The following MGST1 variants were observed in gnomAD, a reference collection of about 807,000 sequenced individuals.
The protein encoded by MGST1 is microsomal glutathione S-transferase 1, also known as glutathione S-transferase 12.
In MGST1, 5 loss-of-function variants were observed where a neutral mutation model predicts 8.9. The ratio of observed to expected loss-of-function variants is 0.56; its 90% CI spans 0.29 to 1.19. The LOEUF (loss-of-function observed/expected upper bound fraction) is 1.19, where lower values mean the gene tolerates loss of function less well. MGST1 is among the 50% of genes most tolerant of loss of function. MGST1 has a pLI of 0.08. For missense variants in MGST1, 182 were observed against 187.4 expected, an observed-to-expected ratio of 0.97 and a Z score of 0.17; for synonymous variants, 54 against 67.8, an observed-to-expected ratio of 0.80 and a Z score of 1.00.
intron 4 of MGST1, among the ~76,000 whole-genome samples, chr12:16,574,871 A>T (rs766382010): frequency 6.6e-6 from 1 of 152,176 alleles, no homozygotes; most frequent in African/African-American, 2.4e-5. Flanking sequence ...CTAAGATCTC[A>T]TAGTCATTAA....
At position 16,364,056 on chromosome 12, in the gene MGST1, C is replaced by T; in HGVS notation, c.*15C>T. On this transcript the variant is annotated 3_prime_UTR_variant, in exon 4 of 4. Transcript: ENST00000396210. The surrounding 1 kb of genome is among the most constrained non-coding windows in gnomAD (Gnocchi z 5.7). ...TGTACCTGTAAAGAAAATCATACAA[C>T]TCAGCATCCAGTTGGCTTTTTAAGA... 1 of 1,579,258 alleles carries T rather than the reference C, an allele frequency of 6.3e-7. No individual in the cohort carries two copies. Among genetic ancestry groups the T allele is most frequent in the Admixed American group, 1.8e-5 (1 of 54,964 alleles).
chr12:16,529,940 A>C (rs1336672008), intron 4 of MGST1, among the ~76,000 whole-genome samples: 1 of 152,128 alleles, frequency 6.6e-6, no homozygotes, highest in Non-Finnish European at 1.5e-5. Flanking sequence ...ACCCACACAG[A>C]ATCAAGAAGA....
At chr12:16,541,754 C>A (rs1268362582) in intron 4 of MGST1, among the ~76,000 whole-genome samples, 3 of 151,788 alleles carry the variant, frequency 2.0e-5, no homozygotes, top group Non-Finnish European at 2.9e-5. Context: ...ATACTTCGGG[C>A]TTTTATAATG....
intron 1 of MGST1, among the ~76,000 whole-genome samples, chr12:16,394,876 T>C (rs1193016678): frequency 6.6e-6 from 1 of 152,038 alleles, no homozygotes; most frequent in Non-Finnish European, 1.5e-5. Flanking sequence ...GGATTACAGG[T>C]GTGAACAACT....
intron 4 of MGST1, among the ~76,000 whole-genome samples, chr12:16,588,963 C>T (rs1012177988): frequency 1.3e-5 from 2 of 152,034 alleles, no homozygotes; most frequent in Non-Finnish European, 2.9e-5. Flanking sequence ...CACTGTCACC[C>T]CTAACTATTT....
upstream of MGST1, among the ~76,000 whole-genome samples, chr12:16,382,581 G>A (rs1360500553): frequency 2.6e-5 from 4 of 152,138 alleles, no homozygotes; most frequent in Non-Finnish European, 4.4e-5. Flanking sequence ...GGCTATTCGG[G>A]GATCAGGGAC....
intron 4 of MGST1, among the ~76,000 whole-genome samples, chr12:16,498,578 A>G (rs1217764544): frequency 1.3e-5 from 2 of 152,216 alleles, no homozygotes; most frequent in African/African-American, 4.8e-5. Context: ...AGTTAATGCC[A>G]GTGCACTGTA....
rs200073692 is a variant in MGST1 at position 16,408,030 on chromosome 12, C to CAA, written n.778+24453_778+24454dup. Among the ~76,000 whole-genome samples, 330 of 44,066 alleles carry CAA rather than the reference C, an allele frequency of 7.5e-3. 60 individuals are homozygous for CAA. Among genetic ancestry groups the CAA allele is most frequent in the Middle Eastern group, 0.017 (1 of 58 alleles). The allele number at this position is 44,066 out of a possible 152,430, so 28.9% of individuals were successfully genotyped here. On this transcript the variant is annotated intron_variant and non_coding_transcript_variant, in intron 1 of 1. Coordinates refer to the MGST1 transcript ENST00000359720. ...CTGGCAACAGAGCAAGACTCTGTCT[C>CAA]AAAAAAAAAAAAAAAAAAAAAAAAA...
intron 1 of MGST1, among the ~76,000 whole-genome samples, chr12:16,384,684 A>G (rs1483729361): frequency 6.6e-6 from 1 of 152,286 alleles, no homozygotes; most frequent in Non-Finnish European, 1.5e-5. Context: ...CTCACTTATT[A>G]TACCAAACTC....
chr12:16,565,983 C>CAT (rs61358392), intron 4 of MGST1, among the ~76,000 whole-genome samples: 18 of 43,838 alleles, frequency 4.1e-4, no homozygotes, highest in Admixed American at 6.8e-4. Context: ...GAAAATGTGC[C>CAT]ATATATATAT....
chr12:16,453,330 G>A (rs7138965), intron 4 of MGST1, among the ~76,000 whole-genome samples: 146,426 of 151,996 alleles, frequency 0.96, 70,760 homozygotes, highest in East Asian at 1. Flanking sequence ...ATTTATTCTC[G>A]ATTCGAGACT....
At chr12:16,476,343 A>G (rs1941323034) in intron 4 of MGST1, among the ~76,000 whole-genome samples, 1 of 152,202 alleles carries the variant, frequency 6.6e-6, no homozygotes, top group Non-Finnish European at 1.5e-5. Flanking sequence ...AACTTACATT[A>G]CTACAAGTAT....
chr12:16,394,521 T>TCTTTCTTTCTTTCTCTCC (rs1940585550), intron 1 of MGST1, among the ~76,000 whole-genome samples: 1 of 7,030 alleles, frequency 1.4e-4, no homozygotes, highest in African/African-American at 2.6e-4. Context: ...TCCCTTTCTT[T>TCTTTCTTTCTTTCTCTCC]CTTTCTTTCT....
In MGST1 at chr12:16,465,794, GA is replaced by G. The variant is rs537237527; in HGVS notation, n.482+82195del. ...CCTCCTTCCCCCACCCCAATCTGTGGAAAAATTGTCTTCCATGAAAGTGGTC... is the reference window on the plus strand; with the variant it reads ...CCTCCTTCCCCCACCCCAATCTGTGGAAAATTGTCTTCCATGAAAGTGGTC... On this transcript the variant is annotated intron_variant and non_coding_transcript_variant, in intron 4 of 4. Transcript: ENST00000538857. Among the ~76,000 whole-genome samples the G allele has an allele frequency of 5.7e-3, 870 of 152,208 alleles. 11 individuals are homozygous for G. Among genetic ancestry groups the G allele is most frequent in the African/African-American group, 0.019 (801 of 41,532 alleles).
At chr12:16,441,786 C>T (rs1464404917), downstream of MGST1, among the ~76,000 whole-genome samples, 4 of 151,770 alleles carry the variant, frequency 2.6e-5, no homozygotes, top group East Asian at 1.9e-4. Flanking sequence ...TTGTGAATAA[C>T]CCTGCTTTAA....
At chr12:16,514,559 G>A (rs1168023393) in intron 4 of MGST1, among the ~76,000 whole-genome samples, 1 of 152,210 alleles carries the variant, frequency 6.6e-6, no homozygotes, top group Non-Finnish European at 1.5e-5. Context: ...TGGAAAGGAT[G>A]AGCAAGGAGT....
chr12:16,357,552 T>C, intron 2 of MGST1, 53 bp from the exon 3 acceptor site: 1 of 1,360,820 alleles, frequency 7.3e-7, no homozygotes, highest in Non-Finnish European at 1.0e-6. Flanking sequence ...AGGTGTGAGC[T>C]ATTGCTCCTG....
chr12:16,553,370 A>G (rs368830727), intron 4 of MGST1, among the ~76,000 whole-genome samples: 3 of 152,160 alleles, frequency 2.0e-5, no homozygotes, highest in Non-Finnish European at 4.4e-5. Context: ...AAATGGTTAT[A>G]CAGGGTGTAA....
In MGST1 at chr12:16,513,641, T is replaced by C. The variant is rs1941591638; in HGVS notation, n.483-75887T>C. 6.0e-6 allele frequency: 3 copies of C among 497,740 alleles called. No homozygotes were observed. Among genetic ancestry groups the C allele is most frequent in the Admixed American group, 4.6e-5 (2 of 43,544 alleles). The allele number at this position is 497,740 out of a possible 1,614,324, so 30.8% of individuals were successfully genotyped here. Reference sequence around the variant, plus strand: ...AGCATCCACAAGGCAGAGGCCCAGATTGCAGCCAAAAATTTGGACGAGGAC... The same window carrying C: ...AGCATCCACAAGGCAGAGGCCCAGACTGCAGCCAAAAATTTGGACGAGGAC... On this transcript the variant is annotated intron_variant and non_coding_transcript_variant, in intron 4 of 4. Transcript: ENST00000538857. The surrounding 1 kb of genome is among the most constrained non-coding windows in gnomAD (Gnocchi z 4.2).
Sources: allele counts gnomAD v4.1 joint callset (sites outside exome capture counted in the v4.1 genomes callset), GRCh38; gene constraint gnomAD v4.1.1; non-coding constraint Gnocchi (gnomAD v3.1); transcripts MANE v1.5; gene names NCBI Gene and HGNC (gene_info 2026-07-23, HGNC 2026-07-21).